TET1: variants seen among roughly 807,000 people sequenced by gnomAD.
The protein encoded by TET1 is methylcytosine dioxygenase TET1.
Under a neutral mutation model 148.7 loss-of-function variants are expected in TET1, and 13 were observed. That is an observed-to-expected ratio of 0.09 (90% CI 0.06 to 0.14). The LOEUF (loss-of-function observed/expected upper bound fraction) is 0.14. TET1 is among the 10% of genes least tolerant of loss of function. The probability of loss-of-function intolerance (pLI) is 1.00; values close to 1 mark genes in which losing one functional copy is unlikely to be tolerated. For missense variants in TET1, 2,182 were observed against 2,553.8 expected (o/e 0.85, Z 3.14); for synonymous variants, 907 against 937.2 (o/e 0.97, Z 0.59).
At chr10:68,577,939 A>G (rs967094416) in intron 2 of TET1, among the ~76,000 whole-genome samples, 4 of 152,196 alleles carry the variant, frequency 2.6e-5, no homozygotes, top group Non-Finnish European at 5.9e-5. Context: ...TGATGGCACC[A>G]TTGCATACCA....
At chr10:68,634,820 G>A (rs1048144618) in intron 3 of TET1, among the ~76,000 whole-genome samples, 4 of 152,060 alleles carry the variant, frequency 2.6e-5, no homozygotes, top group Non-Finnish European at 5.9e-5. Flanking sequence ...TCTGGAGTGC[G>A]GTGCTGTGAT....
chr10:68,679,340 T>G (rs1382916815), intron 8 of TET1, among the ~76,000 whole-genome samples: 1 of 152,190 alleles, frequency 6.6e-6, no homozygotes, highest in African/African-American at 2.4e-5. Context: ...CTCTGTGTGG[T>G]CCACAACAGA....
intron 8 of TET1, among the ~76,000 whole-genome samples, chr10:68,677,771 C>T (rs1479405241): frequency 6.6e-6 from 1 of 152,128 alleles, no homozygotes; most frequent in African/African-American, 2.4e-5. Flanking sequence ...CAGGCATGCG[C>T]CACCACGCCC....
chr10:68,620,070 T>C (rs2054348180), intron 3 of TET1, among the ~76,000 whole-genome samples: 1 of 152,146 alleles, frequency 6.6e-6, no homozygotes, highest in South Asian at 2.1e-4. Flanking sequence ...GGCAGGGGCC[T>C]GTAACCCCAG....
intron 2 of TET1, among the ~76,000 whole-genome samples, chr10:68,580,264 A>T (rs950269312): frequency 6.6e-5 from 9 of 137,036 alleles, no homozygotes; most frequent in African/African-American, 2.4e-4. Flanking sequence ...TTTATTATTA[A>T]TTTTTATCTT....
At chr10:68,636,555 T>C (rs532722430) in intron 3 of TET1, among the ~76,000 whole-genome samples, 1 of 152,292 alleles carries the variant, frequency 6.6e-6, no homozygotes, top group Non-Finnish European at 1.5e-5. Context: ...ACCTTGTCTC[T>C]ACAAAAGCAA....
At chr10:68,598,322 C>T (rs1446965643) in intron 2 of TET1, among the ~76,000 whole-genome samples, 1 of 152,150 alleles carries the variant, frequency 6.6e-6, no homozygotes, top group Admixed American at 6.5e-5. Context: ...ACCCGGAAGG[C>T]GGAGGTTGCA....
intron 2 of TET1, among the ~76,000 whole-genome samples, chr10:68,599,261 C>T (rs1469481305): frequency 6.6e-6 from 1 of 152,222 alleles, no homozygotes; most frequent in Non-Finnish European, 1.5e-5. Flanking sequence ...GGAGGCCCTC[C>T]TGCCAATCCC....
chr10:68,651,310 C>A (rs758571531), intron 4 of TET1, among the ~76,000 whole-genome samples: 3 of 151,930 alleles, frequency 2.0e-5, no homozygotes, highest in Admixed American at 6.6e-5. Context: ...AAAAATTAGC[C>A]GGGCGTGGTG....
chr10:68,657,769 C>A (rs1200650820), intron 6 of TET1, among the ~76,000 whole-genome samples: 1 of 150,312 alleles, frequency 6.7e-6, no homozygotes, highest in Non-Finnish European at 1.5e-5. Context: ...AGTTGTCCAC[C>A]CCACGCTTAA....
chr10:68,594,577 G>T (rs576704624), intron 2 of TET1, among the ~76,000 whole-genome samples: 1 of 152,200 alleles, frequency 6.6e-6, no homozygotes, highest in South Asian at 2.1e-4. Context: ...TGGACCAACC[G>T]CTTACATCCG....
chr10:68,691,787 T>C lies in TET1; in HGVS notation c.6384T>C (p.Val2128=), dbSNP rs569442315. ...VTVSPYALTH[V]AGPYNHWV Reference sequence around the variant, plus strand: ...TGTCCCCTTATGCTCTCACACACGTTGCGGGGCCCTATAACCATTGGGTCT... The same window carrying C: ...TGTCCCCTTATGCTCTCACACACGTCGCGGGGCCCTATAACCATTGGGTCT... The change falls in exon 12 of 12, where the codon GTT becomes GTC. Residue 2128 remains valine, a synonymous_variant. Coordinates refer to ENST00000373644, the MANE Select transcript of TET1 (RefSeq NM_030625.3). This position sits in a 1 kb window ranked among gnomAD's most constrained non-coding sequence, Gnocchi z 4.4. The C allele has an allele frequency of 6.2e-7, 1 of 1,613,624 alleles. No individual in the cohort carries two copies. The highest frequency in any genetic ancestry group is 8.5e-7 in the Non-Finnish European group (1 of 1,179,918).
chr10:68,664,013 T>A (rs1015491356), intron 6 of TET1, among the ~76,000 whole-genome samples: 1 of 152,092 alleles, frequency 6.6e-6, no homozygotes, highest in Non-Finnish European at 1.5e-5. Context: ...CTCCTTTTTT[T>A]TTTGAGATGG....
chr10:68,679,038 G>T (rs1188168818), intron 8 of TET1, among the ~76,000 whole-genome samples: 1 of 151,814 alleles, frequency 6.6e-6, no homozygotes, highest in Non-Finnish European at 1.5e-5. Flanking sequence ...TTATCCGGGC[G>T]TGGTGGCTCA....
Position 68,576,892 on chromosome 10 carries a change from C to T in TET1, c.1914+2640C>T, listed in dbSNP as rs546181384. Among the ~76,000 whole-genome samples, 4 of 150,116 alleles carry T rather than the reference C, an allele frequency of 2.7e-5. No homozygotes were observed. The East Asian group carries it at 7.9e-4, about 29-fold the overall frequency. ...GCATAGCTGGGATTACAGGCACCCA[C>T]CACCATACCTGGCTAATTTTTGTAT... On this transcript the variant is annotated intron_variant, in intron 2 of 11. Coordinates refer to ENST00000373644, the MANE Select transcript of TET1 (RefSeq NM_030625.3).
chr10:68,644,094 A>T (rs953032552), intron 3 of TET1, among the ~76,000 whole-genome samples: 14 of 152,034 alleles, frequency 9.2e-5, no homozygotes, highest in Admixed American at 6.5e-4. Flanking sequence ...TAGTAGAGAC[A>T]GGGTTTCACC....
At chr10:68,577,916 C>A (rs2133699936) in intron 2 of TET1, among the ~76,000 whole-genome samples, 1 of 151,924 alleles carries the variant, frequency 6.6e-6, no homozygotes, top group Admixed American at 6.6e-5. Flanking sequence ...GAGTTCAAGG[C>A]TGCAGTTAGC....
rs71470530 is a variant in TET1, at chr10:68,595,612, C to CTTTTTTTTTTTTTTTTTTTTTTTTT, written c.1915-5347_1915-5346insTTTTTTTTTTTTTTTTTTTTTTTTT. ...CACAACACACACACACACACAGCTT[C>CTTTTTTTTTTTTTTTTTTTTTTTTT]TTTTTTTTTTTTTTTTTTTTTTGAG... is the stretch of plus-strand genomic sequence containing the variant. On this transcript the variant is annotated intron_variant, in intron 2 of 11. Transcript: ENST00000373644. Among the ~76,000 whole-genome samples the CTTTTTTTTTTTTTTTTTTTTTTTTT allele has an allele frequency of 5.2e-5, 4 of 76,510 alleles. 1 individual carries two copies. Among genetic ancestry groups the CTTTTTTTTTTTTTTTTTTTTTTTTT allele is most frequent in the East Asian group, 3.8e-4 (1 of 2,608 alleles). 50.2% of individuals were successfully genotyped at this position (76,510 alleles called of 152,430 possible).
At chr10:68,592,264 C>G (rs1407817639) in intron 2 of TET1, among the ~76,000 whole-genome samples, 1 of 151,976 alleles carries the variant, frequency 6.6e-6, no homozygotes, top group Non-Finnish European at 1.5e-5. Flanking sequence ...TGCAGTGAGC[C>G]GAGATCGTGC....
Sources: allele counts gnomAD v4.1 joint callset (sites outside exome capture counted in the v4.1 genomes callset), GRCh38; gene constraint gnomAD v4.1.1; non-coding constraint Gnocchi (gnomAD v3.1); transcripts MANE v1.5; gene names NCBI Gene and HGNC (gene_info 2026-07-23, HGNC 2026-07-21).